Variants in RUNDC3B observed in about 807,000 individuals in gnomAD.
The protein encoded by RUNDC3B is RUN domain containing 3B, also known as RUN domain-containing protein 3B.
RUNDC3B carries 33 observed loss-of-function variants against 58.4 expected under a neutral mutation model. That is an observed-to-expected ratio of 0.56 (90% confidence interval 0.43 to 0.75). The LOEUF is 0.75. Ranked by LOEUF, RUNDC3B falls within the 30% of genes least tolerant of loss-of-function variation. The probability of loss-of-function intolerance (pLI) is 0.00; values close to 1 mark genes in which losing one functional copy is unlikely to be tolerated. For missense variants in RUNDC3B, 501 were observed against 535.7 expected, an observed-to-expected ratio of 0.94 and a Z score of 0.64; for synonymous variants, 193 against 195.2, an observed-to-expected ratio of 0.99 and a Z score of 0.10.
intron 3 of RUNDC3B, among the ~76,000 whole-genome samples, chr7:87,707,436 G>A (rs1220523869): frequency 6.6e-6 from 1 of 152,142 alleles, no homozygotes. Flanking sequence ...CACTTTGGGA[G>A]ACCAAGGTGA....
At chr7:87,637,648 C>A (rs1821919267) in intron 1 of RUNDC3B, among the ~76,000 whole-genome samples, 1 of 151,772 alleles carries the variant, frequency 6.6e-6, no homozygotes, top group South Asian at 2.1e-4. Context: ...TATATTTATT[C>A]TTGCATATTT....
intron 2 of RUNDC3B, among the ~76,000 whole-genome samples, chr7:87,655,772 A>G (rs1396090815): frequency 6.6e-6 from 1 of 152,100 alleles, no homozygotes; most frequent in East Asian, 1.9e-4. Context: ...CCTCAAATTC[A>G]TATGCTGGAA....
intron 2 of RUNDC3B, among the ~76,000 whole-genome samples, chr7:87,686,924 C>T (rs1827521913): frequency 7.7e-6 from 1 of 129,560 alleles, no homozygotes; most frequent in South Asian, 2.5e-4. Context: ...CCAGCCTGGA[C>T]AACAGAGGGA....
At chr7:87,648,725 G>C (rs1823274983) in intron 1 of RUNDC3B, among the ~76,000 whole-genome samples, 1 of 152,046 alleles carries the variant, frequency 6.6e-6, no homozygotes, top group African/African-American at 2.4e-5. Context: ...CTGGTTGTAA[G>C]AAAGTTTTTA....
intron 6 of RUNDC3B, among the ~76,000 whole-genome samples, chr7:87,765,581 T>C (rs897956011): frequency 5.3e-5 from 8 of 152,134 alleles, no homozygotes; most frequent in Non-Finnish European, 7.4e-5. Flanking sequence ...GTTGTTTAGT[T>C]TCTACATACT....
intron 6 of RUNDC3B, among the ~76,000 whole-genome samples, chr7:87,747,644 G>C (rs1563181547): frequency 6.6e-6 from 1 of 152,060 alleles, no homozygotes; most frequent in Non-Finnish European, 1.5e-5. Flanking sequence ...ACTCTCCTTG[G>C]GCGGGTCTTG....
chr7:87,706,338 C>A (rs1006906602), intron 3 of RUNDC3B, among the ~76,000 whole-genome samples: 2 of 151,750 alleles, frequency 1.3e-5, no homozygotes, highest in Non-Finnish European at 2.9e-5. Flanking sequence ...TTTATAAGAT[C>A]AGCTTGGTGC....
chr7:87,823,544 C>T (rs545107902), intron 10 of RUNDC3B, among the ~76,000 whole-genome samples: 1 of 151,954 alleles, frequency 6.6e-6, no homozygotes, highest in Non-Finnish European at 1.5e-5. Flanking sequence ...CTGCACCCAA[C>T]TGTAGTCTTT....
In RUNDC3B at chr7:87,820,181, T is replaced by C. The variant is rs1216036250; in HGVS notation, c.1225+3919T>C. Among the ~76,000 whole-genome samples, 5 of 151,566 alleles carry C rather than the reference T, an allele frequency of 3.3e-5. No homozygotes were observed. In the East Asian group the frequency reaches 9.7e-4, roughly 29 times the overall value. Reference sequence around the variant, plus strand: ...AGAAAAGAGAGAAGAATCAAATAGATGCAATAAAAAATGATAAAGGGGATA... The same window carrying C: ...AGAAAAGAGAGAAGAATCAAATAGACGCAATAAAAAATGATAAAGGGGATA... On this transcript the variant is annotated intron_variant, in intron 10 of 10. Coordinates refer to ENST00000394654, the MANE Select transcript of RUNDC3B (RefSeq NM_001134405.2).
intron 2 of RUNDC3B, among the ~76,000 whole-genome samples, chr7:87,670,970 TCA>T (rs61373309): frequency 0.016 from 2,472 of 152,330 alleles, 71 homozygotes; most frequent in African/African-American, 0.056. Flanking sequence ...TGGGGCGATC[TCA>T]GTGTTTATGT....
intron 1 of RUNDC3B, among the ~76,000 whole-genome samples, chr7:87,640,782 T>A (rs753264290): frequency 5.3e-5 from 8 of 152,310 alleles, no homozygotes; most frequent in Non-Finnish European, 1.0e-4. Flanking sequence ...CCTTTTCTAG[T>A]TCATTAATTA....
At chr7:87,693,914 C>A in intron 2 of RUNDC3B, 1 of 1,608,440 alleles carries the variant, frequency 6.2e-7, no homozygotes, top group Non-Finnish European at 8.5e-7. Context: ...AAAGAGATTT[C>A]CCAAAGTTGC....
intron 2 of RUNDC3B, among the ~76,000 whole-genome samples, chr7:87,688,478 A>AC (rs1827695152): frequency 6.6e-6 from 1 of 151,840 alleles, no homozygotes; most frequent in African/African-American, 2.4e-5. Flanking sequence ...TCTGTTCATG[A>AC]CTTTTGCCTA....
chr7:87,700,602 G>A, intron 3 of RUNDC3B, 48 bp downstream of exon 3: 2 of 1,559,472 alleles, frequency 1.3e-6, no homozygotes, highest in Non-Finnish European at 1.7e-6. Context: ...TTCATTGCAT[G>A]TATTTGGAAT....
At position 87,803,623 on chromosome 7, in the gene RUNDC3B, C is replaced by G. The variant is rs139043115; in HGVS notation, c.957-3750C>G. Reference sequence around the variant, plus strand: ...AATTTAAATTGTACTTTCTATACTCCCTCTTCTATGAGGATGTTTCTCATG... The same window carrying G: ...AATTTAAATTGTACTTTCTATACTCGCTCTTCTATGAGGATGTTTCTCATG... On this transcript the variant is annotated intron_variant, in intron 8 of 10. Coordinates refer to ENST00000394654, the MANE Select transcript of RUNDC3B (RefSeq NM_001134405.2). Among the ~76,000 whole-genome samples the G allele has an allele frequency of 4.7e-3, 717 of 152,110 alleles. 6 individuals carry two copies. The highest frequency in any genetic ancestry group is 0.016 in the African/African-American group (680 of 41,492).
intron 6 of RUNDC3B, among the ~76,000 whole-genome samples, chr7:87,759,736 A>ACAG (rs71810643): frequency 0.14 from 21,776 of 151,584 alleles, 2,474 homozygotes; most frequent in African/African-American, 0.32. Context: ...AGTTTGAGGC[A>ACAG]TGAGCTGTGG....
Position 87,816,230 on chromosome 7 carries a change from G to A in RUNDC3B, c.1193G>A (p.Gly398Glu). 4 of 1,611,676 alleles carry A rather than the reference G, an allele frequency of 2.5e-6. No homozygotes were observed. The highest frequency in any genetic ancestry group is 3.4e-6 in the Non-Finnish European group (4 of 1,178,280). The change falls in exon 10 of 11, where the codon GGA (glycine) becomes GAA (glutamate). Residue 398 changes from glycine to glutamate, a missense_variant. Coordinates refer to ENST00000394654, the MANE Select transcript of RUNDC3B (RefSeq NM_001134405.2). ...CCAGGCCAGTCACAAGAAGGAGATG[G>A]AAAACAAGACACATTAAATGTAATG... ...LDPGQSQEGD[G>E]KQDTLNVMSE... is the part of the protein sequence containing the mutation.
intron 4 of RUNDC3B, among the ~76,000 whole-genome samples, chr7:87,715,492 TATA>T (rs1471733832): frequency 2.2e-5 from 3 of 135,366 alleles, no homozygotes; most frequent in African/African-American, 8.3e-5. Flanking sequence ...AAATAATACA[TATA>T]ATTATATTAT....
chr7:87,778,056 T>C lies in RUNDC3B; in HGVS notation c.956+101T>C, dbSNP rs114024377. On this transcript the variant is annotated intron_variant, in intron 8 of 10. Transcript: ENST00000394654. Reference sequence around the variant, plus strand: ...GCAAATTCCAAGAAATCTTATTGCCTGTTAAATTCTTTTTCACCTACACTT... The same window carrying C: ...GCAAATTCCAAGAAATCTTATTGCCCGTTAAATTCTTTTTCACCTACACTT... The C allele has an allele frequency of 1.4e-3, 1,334 of 952,602 alleles. 12 individuals carry two copies. In the African/African-American group the frequency reaches 0.018, roughly 13 times the overall value. 59.0% of individuals were successfully genotyped at this position (952,602 alleles called of 1,614,324 possible). A position where few individuals can be genotyped will look rare whatever the true frequency, so the allele number is the denominator to read the frequency against.
Sources: gnomAD v4.1 joint callset for allele counts (sites outside exome capture counted in the v4.1 genomes callset) on GRCh38, gnomAD v4.1.1 for gene constraint, MANE v1.5 for transcripts, NCBI Gene and HGNC (gene_info 2026-07-23, HGNC 2026-07-21) for gene names.